The following RYR2 variants were observed in gnomAD, a reference collection of about 807,000 sequenced individuals.
The protein encoded by RYR2 is cardiac muscle ryanodine receptor-calcium release channel.
Under a neutral mutation model 601.1 loss-of-function variants are expected in RYR2, and 227 were observed. The observed-to-expected ratio is 0.38, with a 90% CI of 0.34 to 0.42. The LOEUF (loss-of-function observed/expected upper bound fraction) is 0.42, where lower values mean the gene tolerates loss of function less well. RYR2 is among the 10% of genes least tolerant of loss of function. The probability of loss-of-function intolerance (pLI) is 1.00; values close to 1 mark genes in which losing one functional copy is unlikely to be tolerated. For synonymous variants in RYR2, 2,223 were observed against 2,175.1 expected (o/e 1.02, Z -0.61); for missense variants, 4,646 against 6,156.5 (o/e 0.75, Z 8.21).
rs181168859 is a variant in RYR2 at position 237,282,910 on chromosome 1, A to G, written c.168+12294A>G. On this transcript the variant is annotated intron_variant, in intron 2 of 104. Coordinates refer to ENST00000366574, the MANE Select transcript of RYR2 (RefSeq NM_001035.3). ...GGGGTAAAGTCAGGTTTCAAATGCC[A>G]TGTAACCAGCACAACTTTATTTGAA... Among the ~76,000 whole-genome samples, 378 of 152,340 alleles carry G rather than the reference A, an allele frequency of 2.5e-3. 1 individual carries two copies. The highest frequency in any genetic ancestry group is 8.7e-3 in the African/African-American group (363 of 41,586).
chr1:237,627,369 C>G (rs532344770), intron 40 of RYR2, among the ~76,000 whole-genome samples: 1 of 152,130 alleles, frequency 6.6e-6, no homozygotes, highest in Non-Finnish European at 1.5e-5. Flanking sequence ...ACTGAGGAGA[C>G]AGTTGGATAA....
At chr1:237,758,445 AC>A (rs1177993583) in intron 82 of RYR2, among the ~76,000 whole-genome samples, 2 of 151,720 alleles carry the variant, frequency 1.3e-5, no homozygotes, top group Admixed American at 1.3e-4. Flanking sequence ...AAGTTATCAC[AC>A]CCCCCGTAAA....
chr1:237,547,447 A>G (rs548124811), intron 25 of RYR2, among the ~76,000 whole-genome samples: 1 of 152,336 alleles, frequency 6.6e-6, no homozygotes, highest in Non-Finnish European at 1.5e-5. Flanking sequence ...TAATTATTTC[A>G]ACAACTGTAT....
At chr1:237,595,397 C>A (rs1316848661) in intron 33 of RYR2, 101 bp from the exon 34 acceptor site, 3 of 1,375,896 alleles carry the variant, frequency 2.2e-6, no homozygotes, top group East Asian at 2.5e-5. Flanking sequence ...ACAGCATGAG[C>A]TTGTTGCTTG....
intron 100 of RYR2, among the ~76,000 whole-genome samples, chr1:237,814,483 C>T (rs1324407071): frequency 2.6e-5 from 4 of 151,674 alleles, no homozygotes; most frequent in East Asian, 1.9e-4. Flanking sequence ...ATAGGCAACT[C>T]GCCCTCCTGT....
At chr1:237,245,335 T>A (rs1257402234) in intron 1 of RYR2, among the ~76,000 whole-genome samples, 1 of 152,180 alleles carries the variant, frequency 6.6e-6, no homozygotes, top group East Asian at 1.9e-4. Flanking sequence ...ATGGCATGGC[T>A]TACCACATTG....
intron 2 of RYR2, among the ~76,000 whole-genome samples, chr1:237,279,071 T>C (rs1376990157): frequency 6.6e-6 from 1 of 152,198 alleles, no homozygotes; most frequent in Non-Finnish European, 1.5e-5. Context: ...GTTTTTTTCA[T>C]AGAGCAGAAT....
chr1:237,320,305 A>C (rs2149522621), intron 2 of RYR2, among the ~76,000 whole-genome samples: 1 of 152,256 alleles, frequency 6.6e-6, no homozygotes, highest in Admixed American at 6.5e-5. Flanking sequence ...CCTTCAACAT[A>C]AAAAAGTGTT....
intron 42 of RYR2, among the ~76,000 whole-genome samples, chr1:237,631,875 G>C (rs1049538652): frequency 2.0e-5 from 1 of 49,616 alleles, no homozygotes. Flanking sequence ...TGATCCGCCC[G>C]CCTTGGCCTC....
At chr1:237,277,495 G>A (rs891724233) in intron 2 of RYR2, among the ~76,000 whole-genome samples, 14 of 152,196 alleles carry the variant, frequency 9.2e-5, no homozygotes, top group South Asian at 2.1e-4. Flanking sequence ...AAATTAATCA[G>A]TGGAAAAGCT....
chr1:237,166,502 T>TA (rs1676731014), intron 1 of RYR2, among the ~76,000 whole-genome samples: 1 of 151,578 alleles, frequency 6.6e-6, no homozygotes, highest in African/African-American at 2.4e-5. Context: ...TTATTTGCAT[T>TA]TTTTTTTAGA....
At chr1:237,329,584 G>C (rs1422682657) in intron 2 of RYR2, among the ~76,000 whole-genome samples, 1 of 151,734 alleles carries the variant, frequency 6.6e-6, no homozygotes, top group East Asian at 1.9e-4. Context: ...GTAGGTTGCA[G>C]TGAGCCGAGA....
At chr1:237,757,564 A>G (rs1013437932) in intron 81 of RYR2, 133 bp from the exon 82 acceptor site, 1 of 538,116 alleles carries the variant, frequency 1.9e-6, no homozygotes, top group Non-Finnish European at 3.3e-6. Context: ...AACATAAGTC[A>G]GTCTCCCTAT....
intron 47 of RYR2, among the ~76,000 whole-genome samples, chr1:237,642,280 T>A (rs1044210012): frequency 6.6e-6 from 1 of 152,060 alleles, no homozygotes; most frequent in South Asian, 2.1e-4. Context: ...CAAAGAGGAG[T>A]CACAGGATAG....
chr1:237,770,948 A>G (rs1224675223), intron 85 of RYR2, 61 bp downstream of exon 85: 1 of 1,010,992 alleles, frequency 9.9e-7, no homozygotes, highest in East Asian at 2.7e-5. Context: ...TCAAGCCAGT[A>G]ATAACAAGAG....
At chr1:237,651,748 G>A (rs576983506) in intron 51 of RYR2, among the ~76,000 whole-genome samples, 44 of 152,206 alleles carry the variant, frequency 2.9e-4, no homozygotes, top group African/African-American at 1.0e-3. Context: ...TGAAAAAAAA[G>A]GACCACAGGC....
intron 1 of RYR2, among the ~76,000 whole-genome samples, chr1:237,262,427 T>C (rs989076469): frequency 1.2e-4 from 18 of 151,816 alleles, no homozygotes; most frequent in Non-Finnish European, 2.6e-4. Context: ...AGCTAATTTT[T>C]TCTATTTTTA....
chr1:237,510,153 A>AG (rs1322844986), intron 23 of RYR2, among the ~76,000 whole-genome samples: 4 of 152,198 alleles, frequency 2.6e-5, no homozygotes, highest in Non-Finnish European at 4.4e-5. Flanking sequence ...GGAGGCAGGA[A>AG]GAGAGACAGG....
At chr1:237,285,222 G>C (rs1691420005) in intron 2 of RYR2, among the ~76,000 whole-genome samples, 1 of 152,132 alleles carries the variant, frequency 6.6e-6, no homozygotes, top group Admixed American at 6.5e-5. Flanking sequence ...TGATTTTGCT[G>C]AGTTTTAATC....
Sources: gnomAD v4.1 joint callset for allele counts (sites outside exome capture counted in the v4.1 genomes callset) on GRCh38, gnomAD v4.1.1 for gene constraint, MANE v1.5 for transcripts, NCBI Gene and HGNC (gene_info 2026-07-23, HGNC 2026-07-21) for gene names.